Variants in GRID2IP observed in about 807,000 individuals in gnomAD.
GRID2IP encodes Grid2 interacting protein.
A neutral mutation model predicts 114.3 loss-of-function variants in GRID2IP; 78 were observed. The ratio of observed to expected loss-of-function variants is 0.68; its 90% CI spans 0.57 to 0.82. GRID2IP has a LOEUF of 0.82. Among genes scored for constraint, GRID2IP ranks in the 40% least tolerant of loss-of-function variants. The pLI, the probability that GRID2IP is intolerant of heterozygous loss-of-function variation, is 0.00. For synonymous variants in GRID2IP, 809 were observed against 724.0 expected (o/e 1.12, Z -1.89); for missense variants, 1,727 against 1,678.5 (o/e 1.03, Z -0.51).
At position 6,508,502 on chromosome 7, in the gene GRID2IP, G is replaced by C; in HGVS notation, c.2128-101C>G. On this transcript the variant is annotated intron_variant, in intron 12 of 21. Transcript: ENST00000457091. This position sits in a 1 kb window ranked among gnomAD's most constrained non-coding sequence, Gnocchi z 5.6. Reference sequence around the variant, plus strand: ...CATGGGATAGCCTGGGACAAGGACAGGGCCATCTCACGGGTTAGCCTCAGG... The same window carrying C: ...CATGGGATAGCCTGGGACAAGGACACGGCCATCTCACGGGTTAGCCTCAGG... 1 of 1,517,106 alleles carries C rather than the reference G, an allele frequency of 6.6e-7. No individual in the cohort carries two copies. The highest frequency in any genetic ancestry group is 8.8e-7 in the Non-Finnish European group (1 of 1,131,584). The allele number at this position is 1,517,106 out of a possible 1,614,324, so 94.0% of individuals were successfully genotyped here.
In GRID2IP at chr7:6,521,191, A is replaced by T. The variant is rs1003826544; in HGVS notation, c.1084+238T>A. Among the ~76,000 whole-genome samples the T allele has an allele frequency of 4.6e-5, 7 of 152,074 alleles. No homozygotes were observed. Among genetic ancestry groups the T allele is most frequent in the African/African-American group, 1.7e-4 (7 of 41,416 alleles). On this transcript the variant is annotated intron_variant, in intron 6 of 21. Coordinates refer to ENST00000457091, the MANE Select transcript of GRID2IP (RefSeq NM_001145118.2). This position sits in a 1 kb window ranked among gnomAD's most constrained non-coding sequence, Gnocchi z 4.1. The stretch of plus-strand genomic sequence containing the variant: ...GTGCCATGTTGCTCAGACTGGTCTC[A>T]AACTCCTGGCCTCAAGCGATCCTCC...
chr7:6,508,056 T>C lies in GRID2IP; in HGVS notation c.2473A>G (p.Thr825Ala). ...AAGCGCTTGACGCTCATGTGGCTGG[T>C]CTCACTGCGCCGGTGGCCCAGGCCC... is the stretch of plus-strand genomic sequence containing the variant. ...SRGLGHRRSE[T>A]SHMSVKRLRW... The change falls in exon 13 of 22, where the codon ACC (threonine) becomes GCC (alanine). Residue 825 changes from threonine to alanine, a missense_variant. By Grantham distance (58) the Thr-to-Ala change is moderately conservative (BLOSUM62 0). Coordinates refer to ENST00000457091, the MANE Select transcript of GRID2IP (RefSeq NM_001145118.2). This position sits in a 1 kb window ranked among gnomAD's most constrained non-coding sequence, Gnocchi z 5.6. The C allele has an allele frequency of 6.5e-7, 1 of 1,545,816 alleles. No individual in the cohort carries two copies. Among genetic ancestry groups the C allele is most frequent in the Non-Finnish European group, 8.7e-7 (1 of 1,145,488 alleles).
chr7:6,545,031 A>G (rs1249090903), intron 1 of GRID2IP, among the ~76,000 whole-genome samples: 1 of 152,030 alleles, frequency 6.6e-6, no homozygotes, highest in Non-Finnish European at 1.5e-5. Context: ...AGCTTGCAGT[A>G]AGCCGAGATC....
chr7:6,548,104 CA>C (rs1160983185), intron 1 of GRID2IP, among the ~76,000 whole-genome samples: 1 of 152,284 alleles, frequency 6.6e-6, no homozygotes, highest in East Asian at 1.9e-4. Context: ...GTAATTCCAG[CA>C]CTTTTGGAAG....
At chr7:6,548,131 T>A (rs1779914527) in intron 1 of GRID2IP, among the ~76,000 whole-genome samples, 1 of 152,138 alleles carries the variant, frequency 6.6e-6, no homozygotes, top group South Asian at 2.1e-4. Context: ...GGTAGGCAGA[T>A]CTCCTGAGGT....
intron 7 of GRID2IP, among the ~76,000 whole-genome samples, chr7:6,517,175 C>T (rs1296113237): frequency 6.6e-6 from 1 of 151,940 alleles, no homozygotes; most frequent in Non-Finnish European, 1.5e-5. Flanking sequence ...CTGCCTCAGC[C>T]TCCCGAGTAG....
chr7:6,520,293 A>G lies in GRID2IP; in HGVS notation c.1268+285T>C, dbSNP rs1779388277. Among the ~76,000 whole-genome samples the G allele has an allele frequency of 6.6e-6, 1 of 151,878 alleles. No homozygotes were observed. The highest frequency in any genetic ancestry group is 1.5e-5 in the Non-Finnish European group (1 of 67,978). ...GTGATAGAGCGAGACTCCATCTCAA[A>G]AAAAAAAAATAGAATGTTGCAGGTG... On this transcript the variant is annotated intron_variant, in intron 7 of 21. Transcript: ENST00000457091. This position sits in a 1 kb window ranked among gnomAD's most constrained non-coding sequence, Gnocchi z 4.6.
Position 6,521,427 on chromosome 7 carries a change from A to C in GRID2IP, c.1084+2T>G. The C allele has an allele frequency of 1.3e-6, 2 of 1,540,032 alleles. No individual in the cohort carries two copies. Among genetic ancestry groups the C allele is most frequent in the Non-Finnish European group, 1.8e-6 (2 of 1,140,736 alleles). On this transcript the variant is annotated splice_donor_variant, in intron 6 of 21. Transcript: ENST00000457091. LOFTEE classifies it high-confidence loss of function. The surrounding 1 kb of genome is among the most constrained non-coding windows in gnomAD (Gnocchi z 4.1). ...GAAGCCAAGTGTCCATGGGGGTCTC[A>C]CCACTGGCAAATGGGACGAGCCCTT...
intron 1 of GRID2IP, among the ~76,000 whole-genome samples, chr7:6,548,085 C>A (rs1392271935): frequency 6.6e-6 from 1 of 152,176 alleles, no homozygotes; most frequent in Non-Finnish European, 1.5e-5. Flanking sequence ...GGTGCAGTAG[C>A]TCACACCTGT....
At position 6,514,406 on chromosome 7, in the gene GRID2IP, G is replaced by C; in HGVS notation, c.1392C>G (p.Ile464Met). Reference protein sequence around the residue: ...YEEQELCQEKIACFLGYTAMT... With the variant: ...YEEQELCQEKMACFLGYTAMT... ...TGGCCGTGTAGCCCAGGAAGCATGC[G>C]ATTTTCTCCTGACAGAGCTCCTGCT... The change falls in exon 8 of 22, where the codon ATC becomes ATG. Residue 464 changes from isoleucine to methionine, a missense_variant. Transcript: ENST00000457091. 1 of 1,543,974 alleles carries C rather than the reference G, an allele frequency of 6.5e-7. No homozygotes were observed. The highest frequency in any genetic ancestry group is 8.8e-7 in the Non-Finnish European group (1 of 1,142,624).
chr7:6,542,222 T>G (rs538105708), intron 1 of GRID2IP, among the ~76,000 whole-genome samples: 1 of 149,800 alleles, frequency 6.7e-6, no homozygotes, highest in Admixed American at 6.8e-5. Context: ...GGAGAATCGC[T>G]TGAACCCAGG....
chr7:6,530,936 G>C (rs1196311164), intron 2 of GRID2IP: 3 of 490,742 alleles, frequency 6.1e-6, no homozygotes, highest in Middle Eastern at 4.4e-4. Flanking sequence ...GCCCAGGCTC[G>C]GAGGGTGCCC....
At chr7:6,540,359 G>T (rs1466380951) in intron 1 of GRID2IP, among the ~76,000 whole-genome samples, 2 of 151,954 alleles carry the variant, frequency 1.3e-5, no homozygotes, top group Non-Finnish European at 2.9e-5. Context: ...TGATCCGCCC[G>T]CCTCGGCCTC....
chr7:6,500,898 C>T (rs2115351006), intron 20 of GRID2IP, among the ~76,000 whole-genome samples: 1 of 152,364 alleles, frequency 6.6e-6, no homozygotes, highest in African/African-American at 2.4e-5. Context: ...ACCCTCCTGA[C>T]TGCCTTTGGC....
At position 6,526,782 on chromosome 7, in the gene GRID2IP, A is replaced by G; in HGVS notation, c.585-13T>C. 2 of 1,501,754 alleles carry G rather than the reference A, an allele frequency of 1.3e-6. No homozygotes were observed. Among genetic ancestry groups the G allele is most frequent in the Admixed American group, 2.2e-5 (1 of 45,430 alleles). The allele number at this position is 1,501,754 out of a possible 1,614,324, so 93.0% of individuals were successfully genotyped here. On this transcript the variant is annotated splice_polypyrimidine_tract_variant and intron_variant, in intron 2 of 21. Transcript: ENST00000457091. The surrounding 1 kb of genome is among the most constrained non-coding windows in gnomAD (Gnocchi z 7.6). ...GGGGATGAAGATCCTGCCGGCGAGG[A>G]CGGCGGAGTCGGGGCGCGTTCCCGG...
chr7:6,497,783 C>G lies in GRID2IP; in HGVS notation c.3627G>C (p.Leu1209=). The G allele has an allele frequency of 6.5e-7, 1 of 1,549,942 alleles. No individual in the cohort carries two copies. Among genetic ancestry groups the G allele is most frequent in the East Asian group, 2.4e-5 (1 of 40,900 alleles). ...GLRSSGMVSP[L]AW is the part of the protein sequence containing the mutation. ...CGCGGTGTGGCCACTGTCACCAGGC[C>G]AGGGGTGAAACCATCCCGGAGCTGC... The change falls in exon 22 of 22, where the codon CTG becomes CTC. Residue 1209 remains leucine, a synonymous_variant. Coordinates refer to ENST00000457091, the MANE Select transcript of GRID2IP (RefSeq NM_001145118.2).
chr7:6,501,925 A>C (rs1350396142), intron 19 of GRID2IP, 26 bp from the exon 20 acceptor site: 1 of 1,550,552 alleles, frequency 6.4e-7, no homozygotes. Flanking sequence ...CAGGGGCTGC[A>C]TGGGGCCACT....
At chr7:6,511,175 TC>T in intron 8 of GRID2IP, 136 bp from the exon 9 acceptor site, 1 of 1,176,010 alleles carries the variant, frequency 8.5e-7, no homozygotes, top group Non-Finnish European at 1.1e-6. Flanking sequence ...CCTGCTTGCC[TC>T]CAGAACAGCT....
chr7:6,544,320 C>T (rs551231224), intron 1 of GRID2IP, among the ~76,000 whole-genome samples: 1 of 151,560 alleles, frequency 6.6e-6, no homozygotes, highest in African/African-American at 2.4e-5. Flanking sequence ...ACTCTTATTG[C>T]CCAGGCTGGA....
Sources: gnomAD v4.1 joint callset for allele counts (sites outside exome capture counted in the v4.1 genomes callset) on GRCh38, gnomAD v4.1.1 for gene constraint, Gnocchi (gnomAD v3.1) non-coding constraint, MANE v1.5 for transcripts, NCBI Gene and HGNC (gene_info 2026-07-23, HGNC 2026-07-21) for gene names.